The following TMEM108 variants were observed in gnomAD, a reference collection of about 807,000 sequenced individuals.
The protein encoded by TMEM108 is cancer/testis antigen 124.
A neutral mutation model predicts 35.1 loss-of-function variants in TMEM108; 12 were observed. That is an observed-to-expected ratio of 0.34 (90% CI 0.22 to 0.55). The LOEUF is 0.55. TMEM108 is among the 20% of genes least tolerant of loss of function. The pLI, the probability that TMEM108 is intolerant of heterozygous loss-of-function variation, is 0.89. For missense variants in TMEM108, 680 were observed against 753.3 expected (o/e 0.90, Z 1.14); for synonymous variants, 287 against 308.6 (o/e 0.93, Z 0.73).
At chr3:133,178,259 A>G (rs11718280) in intron 2 of TMEM108, among the ~76,000 whole-genome samples, 68,852 of 152,044 alleles carry the variant, frequency 0.45, 16,414 homozygotes, top group East Asian at 0.87. Context: ...TATAGATTCA[A>G]TGCCATCCCC....
chr3:133,040,742 T>C (rs1282416678), intron 1 of TMEM108, among the ~76,000 whole-genome samples: 1 of 152,182 alleles, frequency 6.6e-6, no homozygotes, highest in Non-Finnish European at 1.5e-5. Flanking sequence ...GCTTAGTCCA[T>C]CTAGCAACGT....
At chr3:133,367,253 G>C (rs868580864) in intron 3 of TMEM108, among the ~76,000 whole-genome samples, 4 of 152,202 alleles carry the variant, frequency 2.6e-5, no homozygotes, top group Admixed American at 6.5e-5. Context: ...GTAAGCCATT[G>C]CTGTCAGGTG....
chr3:133,155,747 C>A (rs1331095943), intron 2 of TMEM108, among the ~76,000 whole-genome samples: 2 of 152,004 alleles, frequency 1.3e-5, no homozygotes, highest in Non-Finnish European at 2.9e-5. Context: ...GGATATTAGA[C>A]CTTTGTCAGA....
intron 3 of TMEM108, among the ~76,000 whole-genome samples, chr3:133,306,309 T>G (rs2071035939): frequency 6.6e-6 from 1 of 152,184 alleles, no homozygotes; most frequent in East Asian, 1.9e-4. Flanking sequence ...AGTTCATTAC[T>G]TTTGCATATG....
chr3:133,073,874 T>G (rs896651270), intron 2 of TMEM108, among the ~76,000 whole-genome samples: 3 of 152,094 alleles, frequency 2.0e-5, no homozygotes, highest in African/African-American at 7.2e-5. Context: ...GATATCTCAT[T>G]GTGGTTTTGA....
intron 3 of TMEM108, among the ~76,000 whole-genome samples, chr3:133,379,347 A>T (rs2072934495): frequency 6.6e-6 from 1 of 152,232 alleles, no homozygotes; most frequent in Non-Finnish European, 1.5e-5. Flanking sequence ...GCTTCCCCAC[A>T]GGCAAGCTGT....
intron 3 of TMEM108, among the ~76,000 whole-genome samples, chr3:133,325,746 T>TA (rs1023926633): frequency 1.3e-5 from 2 of 149,806 alleles, no homozygotes; most frequent in Non-Finnish European, 3.0e-5. Flanking sequence ...AAAATAAAAA[T>TA]AAAAAATATA....
chr3:133,172,595 A>G (rs1454695521), intron 2 of TMEM108, among the ~76,000 whole-genome samples: 3 of 152,240 alleles, frequency 2.0e-5, no homozygotes, highest in Admixed American at 2.0e-4. Context: ...TTATTTCAAC[A>G]TAACTATGCT....
chr3:133,308,487 C>T (rs561157275), intron 3 of TMEM108, among the ~76,000 whole-genome samples: 1 of 152,024 alleles, frequency 6.6e-6, no homozygotes, highest in Non-Finnish European at 1.5e-5. Context: ...GTATGATATT[C>T]GCTGTGGGTT....
intron 3 of TMEM108, among the ~76,000 whole-genome samples, chr3:133,283,201 T>G (rs959528443): frequency 5.3e-5 from 8 of 152,314 alleles, no homozygotes; most frequent in African/African-American, 1.7e-4. Flanking sequence ...TGGCGGTGGT[T>G]TATATCTACC....
At chr3:133,245,422 T>C (rs1246740559) in intron 3 of TMEM108, among the ~76,000 whole-genome samples, 1 of 152,222 alleles carries the variant, frequency 6.6e-6, no homozygotes, top group Non-Finnish European at 1.5e-5. Flanking sequence ...CATGGGTGGC[T>C]CCCTGCTGTT....
At chr3:133,116,496 A>C (rs1052114299) in intron 2 of TMEM108, among the ~76,000 whole-genome samples, 1 of 152,164 alleles carries the variant, frequency 6.6e-6, no homozygotes, top group Non-Finnish European at 1.5e-5. Context: ...TTTTATTTAC[A>C]TAAATAAATG....
intron 4 of TMEM108, 135 bp from the exon 5 acceptor site, chr3:133,390,045 C>T: frequency 2.9e-6 from 3 of 1,046,850 alleles, no homozygotes; most frequent in Non-Finnish European, 4.2e-6. Context: ...TCACTTTGTA[C>T]AGTTCACCAT....
chr3:133,229,420 T>G (rs1214424201), intron 3 of TMEM108, 69 bp downstream of exon 3: 10 of 1,515,124 alleles, frequency 6.6e-6, no homozygotes, highest in Non-Finnish European at 9.1e-6. Context: ...TACCCACAAC[T>G]TACTTTTTGG....
At chr3:133,303,123 A>G (rs1947254314) in intron 3 of TMEM108, 1 of 152,212 alleles carries the variant, frequency 6.6e-6, no homozygotes, top group African/African-American at 2.4e-5. Flanking sequence ...CTCATCTTCA[A>G]CTTTACTGTA....
At chr3:133,160,309 G>T (rs1308618716) in intron 2 of TMEM108, among the ~76,000 whole-genome samples, 1 of 152,210 alleles carries the variant, frequency 6.6e-6, no homozygotes, top group Non-Finnish European at 1.5e-5. Context: ...CTTGGTTAGT[G>T]GGTCTGGGTG....
chr3:133,395,742 G>T, intron 5 of TMEM108, 122 bp from the exon 6 acceptor site: 2 of 1,057,806 alleles, frequency 1.9e-6, no homozygotes, highest in Non-Finnish European at 1.3e-6. Flanking sequence ...CAGTAGGGAT[G>T]ATGAAAATGT....
chr3:133,340,257 C>T (rs1167510999), intron 3 of TMEM108, among the ~76,000 whole-genome samples: 10 of 151,526 alleles, frequency 6.6e-5, no homozygotes, highest in Admixed American at 6.6e-4. Flanking sequence ...AAGGAGATTA[C>T]AGCTGATACT....
chr3:133,318,920 C>CCAAAAAAA (rs554573627), intron 3 of TMEM108, among the ~76,000 whole-genome samples: 2 of 136,042 alleles, frequency 1.5e-5, no homozygotes, highest in African/African-American at 5.7e-5. Flanking sequence ...GCGAGATAGG[C>CCAAAAAAA]AAAAAAAAAA....
Sources: allele counts gnomAD v4.1 joint callset (sites outside exome capture counted in the v4.1 genomes callset), GRCh38; gene constraint gnomAD v4.1.1; transcripts MANE v1.5; gene names NCBI Gene and HGNC (gene_info 2026-07-23, HGNC 2026-07-21).